The following ANO10 variants were observed in gnomAD, a reference collection of about 807,000 sequenced individuals.
ANO10 encodes anoctamin 10.
ANO10 carries 77 observed loss-of-function variants against 74.7 expected under a neutral mutation model. The ratio of observed to expected loss-of-function variants is 1.03; its 90% CI spans 0.86 to 1.25. The LOEUF (loss-of-function observed/expected upper bound fraction) is 1.25, where lower values mean the gene tolerates loss of function less well. Ranked by LOEUF, ANO10 falls within the 50% of genes most tolerant of loss-of-function variation. ANO10 has a pLI of 0.00. For synonymous variants in ANO10, 279 were observed against 284.9 expected (o/e 0.98, Z 0.21); for missense variants, 721 against 778.1 (o/e 0.93, Z 0.87).
chr3:43,691,134 G>T (rs1374980835), intron 1 of ANO10: 3 of 1,248,832 alleles, frequency 2.4e-6, no homozygotes, highest in Non-Finnish European at 3.1e-6. Context: ...AGGAGTCGCC[G>T]CCCGCCTGGC....
intron 7 of ANO10, among the ~76,000 whole-genome samples, chr3:43,572,417 G>A (rs1424473641): frequency 1.3e-5 from 2 of 152,172 alleles, no homozygotes; most frequent in African/African-American, 4.8e-5. Flanking sequence ...GGTGGCACTG[G>A]CAAGGGGGCC....
At chr3:43,396,450 T>C (rs1056446194) in intron 12 of ANO10, among the ~76,000 whole-genome samples, 6 of 152,176 alleles carry the variant, frequency 3.9e-5, no homozygotes, top group Middle Eastern at 6.8e-3. Flanking sequence ...GCCATTCTCC[T>C]GCCTCAGCCT....
At position 43,690,833 on chromosome 3, in the gene ANO10, C is replaced by T. The variant is rs962906890; in HGVS notation, c.-12+684G>A. 70 of 636,648 alleles carry T rather than the reference C, an allele frequency of 1.1e-4. 5 individuals are homozygous for T. The South Asian group carries it at 2.5e-3, about 22-fold the overall frequency. 39.4% of individuals were successfully genotyped at this position (636,648 alleles called of 1,614,324 possible). A position where few individuals can be genotyped will look rare whatever the true frequency, so the allele number is the denominator to read the frequency against. On this transcript the variant is annotated intron_variant, in intron 1 of 3. Coordinates refer to the ANO10 transcript ENST00000413397. ...GGACGCAAAGCCGGAGGCAAGGCCG[C>T]GCACGCGCAAACGCGGGCGCGCCGC... is the stretch of plus-strand genomic sequence containing the variant.
intron 7 of ANO10, among the ~76,000 whole-genome samples, chr3:43,567,199 A>C (rs939877662): frequency 6.6e-6 from 1 of 152,348 alleles, no homozygotes; most frequent in South Asian, 2.1e-4. Context: ...GACCAAATCT[A>C]CATCTGATTG....
At chr3:43,603,116 T>C (rs531948862) in intron 2 of ANO10, among the ~76,000 whole-genome samples, 1 of 152,326 alleles carries the variant, frequency 6.6e-6, no homozygotes, top group East Asian at 1.9e-4. Context: ...ATACTTTCCA[T>C]TTTCCCAAAA....
At chr3:43,466,335 C>A (rs1198229063) in intron 11 of ANO10, among the ~76,000 whole-genome samples, 1 of 136,952 alleles carries the variant, frequency 7.3e-6, no homozygotes, top group Non-Finnish European at 1.5e-5. Flanking sequence ...CACTGCACTG[C>A]ACTCCAGCCT....
chr3:43,409,807 G>T (rs199647516), intron 12 of ANO10, among the ~76,000 whole-genome samples: 1 of 152,226 alleles, frequency 6.6e-6, no homozygotes, highest in African/African-American at 2.4e-5. Context: ...GGTTAATGTT[G>T]TGTTAACAAA....
At chr3:43,622,344 C>A (rs1175158116), upstream of ANO10, among the ~76,000 whole-genome samples, 1 of 152,194 alleles carries the variant, frequency 6.6e-6, no homozygotes, top group East Asian at 1.9e-4. Context: ...GCCGAGAAGG[C>A]AGAGGCCTGG....
intron 7 of ANO10, among the ~76,000 whole-genome samples, chr3:43,566,575 C>G (rs1341833737): frequency 1.3e-5 from 2 of 152,202 alleles, no homozygotes; most frequent in African/African-American, 4.8e-5. Context: ...AGCAGGGGTA[C>G]ACTGACACCT....
At chr3:43,552,766 GTATA>G (rs2079545230) in intron 10 of ANO10, among the ~76,000 whole-genome samples, 1 of 145,764 alleles carries the variant, frequency 6.9e-6, no homozygotes, top group African/African-American at 2.5e-5. Flanking sequence ...ATGTATGTAT[GTATA>G]TGTGTGTATT....
intron 1 of ANO10, among the ~76,000 whole-genome samples, chr3:43,612,142 A>ATATG (rs2082854420): frequency 7.9e-5 from 1 of 12,586 alleles, no homozygotes; most frequent in Non-Finnish European, 1.3e-4. Context: ...TAAATATTTT[A>ATATG]TATATATATA....
intron 12 of ANO10, among the ~76,000 whole-genome samples, chr3:43,418,635 T>C (rs1039364259): frequency 1.3e-5 from 2 of 152,240 alleles, no homozygotes; most frequent in Admixed American, 6.5e-5. Flanking sequence ...ATGCATTGGT[T>C]ATCTATTACT....
At chr3:43,624,372 G>T (rs2149555746), upstream of ANO10, among the ~76,000 whole-genome samples, 2 of 152,280 alleles carry the variant, frequency 1.3e-5, no homozygotes, top group Middle Eastern at 6.8e-3. Context: ...CCAGTATTGG[G>T]GGTGGGGCCT....
chr3:43,454,437 A>C (rs1180871790), intron 11 of ANO10, among the ~76,000 whole-genome samples: 1 of 152,198 alleles, frequency 6.6e-6, no homozygotes, highest in Non-Finnish European at 1.5e-5. Flanking sequence ...ACAAAAGCAG[A>C]AGGGTGGCCC....
chr3:43,433,641 C>T (rs2148945680), intron 11 of ANO10, among the ~76,000 whole-genome samples: 1 of 152,284 alleles, frequency 6.6e-6, no homozygotes, highest in Non-Finnish European at 1.5e-5. Flanking sequence ...TTCCTTCTCA[C>T]ACAAGCATCA....
chr3:43,668,354 G>A (rs1396875801), intron 1 of ANO10, among the ~76,000 whole-genome samples: 1 of 151,708 alleles, frequency 6.6e-6, no homozygotes, highest in Admixed American at 6.6e-5. Flanking sequence ...CAAATTTTGT[G>A]AATGTTTTCT....
In ANO10 at chr3:43,491,429, G is replaced by A. The variant is rs572635186; in HGVS notation, c.1797+58291C>T. Among the ~76,000 whole-genome samples the A allele has an allele frequency of 1.2e-4, 18 of 152,218 alleles. No homozygotes were observed. The South Asian group carries it at 3.5e-3, about 30-fold the overall frequency. On this transcript the variant is annotated intron_variant, in intron 11 of 12. Coordinates refer to ENST00000292246, the MANE Select transcript of ANO10 (RefSeq NM_018075.5). ...CTAAGGAGGCTGCGGCACGAGAATC[G>A]CTTGAACCAGGGAGGTGGGGGCTGC...
chr3:43,400,351 A>G (rs1257907310), intron 12 of ANO10, among the ~76,000 whole-genome samples: 3 of 151,936 alleles, frequency 2.0e-5, no homozygotes, highest in Non-Finnish European at 4.4e-5. Flanking sequence ...TAGACAAATC[A>G]GCAGGCCATC....
At chr3:43,462,558 G>A (rs1222548028) in intron 11 of ANO10, among the ~76,000 whole-genome samples, 2 of 152,156 alleles carry the variant, frequency 1.3e-5, no homozygotes, top group Non-Finnish European at 2.9e-5. Context: ...AAGGGAAGCA[G>A]AGCATAAAAG....
Sources: allele counts gnomAD v4.1 joint callset (sites outside exome capture counted in the v4.1 genomes callset), GRCh38; gene constraint gnomAD v4.1.1; transcripts MANE v1.5; gene names NCBI Gene and HGNC (gene_info 2026-07-23, HGNC 2026-07-21).